UCK2: variants seen among roughly 807,000 people sequenced by gnomAD.
The protein encoded by UCK2 is cytidine monophosphokinase 2.
A neutral mutation model predicts 30.8 loss-of-function variants in UCK2; 6 were observed. That is an observed-to-expected ratio of 0.19 (90% CI 0.11 to 0.38). The LOEUF (loss-of-function observed/expected upper bound fraction) is 0.38. UCK2 is among the 10% of genes least tolerant of loss of function. The probability of loss-of-function intolerance (pLI) is 1.00; values close to 1 mark genes in which losing one functional copy is unlikely to be tolerated. For synonymous variants in UCK2, 125 were observed against 133.6 expected (o/e 0.94, Z 0.45); for missense variants, 210 against 339.8 (o/e 0.62, Z 3.00).
chr1:165,873,136 C>A (rs144874231), intron 1 of UCK2, among the ~76,000 whole-genome samples: 134 of 152,258 alleles, frequency 8.8e-4, no homozygotes, highest in Non-Finnish European at 1.6e-3. Flanking sequence ...ACCAAAAAAA[C>A]CCCCAGAATT....
intron 5 of UCK2, 110 bp downstream of exon 5, chr1:165,903,389 C>G (rs550706630): frequency 1.1e-6 from 1 of 873,884 alleles, no homozygotes; most frequent in African/African-American, 1.7e-5. Flanking sequence ...TCACTCCTCT[C>G]TCTGAGTGAT....
At chr1:165,882,530 C>T (rs1260439257) in intron 1 of UCK2, among the ~76,000 whole-genome samples, 1 of 152,180 alleles carries the variant, frequency 6.6e-6, no homozygotes, top group Non-Finnish European at 1.5e-5. Flanking sequence ...AAATTTATTT[C>T]TCACAATTCC....
intron 1 of UCK2, among the ~76,000 whole-genome samples, chr1:165,867,182 T>A (rs1331638949): frequency 1.3e-5 from 2 of 152,264 alleles, no homozygotes; most frequent in Non-Finnish European, 2.9e-5. Context: ...GTAGATACCT[T>A]AAGTTTAAAA....
chr1:165,871,199 T>C (rs1192150785), intron 1 of UCK2, among the ~76,000 whole-genome samples: 1 of 152,152 alleles, frequency 6.6e-6, no homozygotes, highest in East Asian at 1.9e-4. Context: ...ATTGTACCCA[T>C]TTCTCATGGT....
chr1:165,833,398 G>A (rs1404714819), intron 1 of UCK2, among the ~76,000 whole-genome samples: 1 of 152,040 alleles, frequency 6.6e-6, no homozygotes, highest in Admixed American at 6.6e-5. Flanking sequence ...TGCTCTGCCT[G>A]AATCTCTCCT....
chr1:165,879,944 G>GT (rs1475595780), intron 1 of UCK2, among the ~76,000 whole-genome samples: 1 of 152,240 alleles, frequency 6.6e-6, no homozygotes, highest in East Asian at 1.9e-4. Context: ...GGCATTAGAT[G>GT]TGGGTGCTGG....
At chr1:165,867,000 C>G (rs1571280692) in intron 1 of UCK2, among the ~76,000 whole-genome samples, 1 of 152,124 alleles carries the variant, frequency 6.6e-6, no homozygotes, top group Admixed American at 6.5e-5. Context: ...CAGTTGCAGA[C>G]CACGGCAATA....
At chr1:165,844,245 C>G (rs1445807422) in intron 1 of UCK2, among the ~76,000 whole-genome samples, 2 of 152,218 alleles carry the variant, frequency 1.3e-5, no homozygotes, top group Non-Finnish European at 2.9e-5. Flanking sequence ...TCCTGCAGTG[C>G]CTGCACCTAG....
chr1:165,888,642 C>T (rs1323384222), intron 1 of UCK2, among the ~76,000 whole-genome samples: 2 of 71,064 alleles, frequency 2.8e-5, no homozygotes, highest in East Asian at 4.1e-4. Flanking sequence ...CTTTCTTCTT[C>T]TTTTTTTTTT....
At chr1:165,854,021 A>G (rs1654663615) in intron 1 of UCK2, among the ~76,000 whole-genome samples, 1 of 152,268 alleles carries the variant, frequency 6.6e-6, no homozygotes, top group African/African-American at 2.4e-5. Flanking sequence ...TCTTTCAACT[A>G]GATCTGTGTA....
chr1:165,852,193 A>G lies in UCK2; in HGVS notation c.99+24261A>G, dbSNP rs193123559. Among the ~76,000 whole-genome samples the G allele has an allele frequency of 1.6e-3, 246 of 152,306 alleles. 1 individual carries two copies. The highest frequency in any genetic ancestry group is 5.7e-3 in the African/African-American group (235 of 41,566). On this transcript the variant is annotated intron_variant, in intron 1 of 6. Coordinates refer to ENST00000367879, the MANE Select transcript of UCK2 (RefSeq NM_012474.5). Reference sequence around the variant, plus strand: ...CACAATGGTTGAACTAATTACAACAAAAGCCAAAATTGATAAATTGATAAA... The same window carrying G: ...CACAATGGTTGAACTAATTACAACAGAAGCCAAAATTGATAAATTGATAAA...
In UCK2 at chr1:165,895,559, G is replaced by A; in HGVS notation, c.357-631G>A. Reference sequence around the variant, plus strand: ...GAGCAGCTCTAGGGAGCTCAGGATTGACCTGTGGCCACTTTGTTGGTTTGG... The same window carrying A: ...GAGCAGCTCTAGGGAGCTCAGGATTAACCTGTGGCCACTTTGTTGGTTTGG... On this transcript the variant is annotated intron_variant, in intron 3 of 6. Coordinates refer to ENST00000367879, the MANE Select transcript of UCK2 (RefSeq NM_012474.5). The A allele has an allele frequency of 3.0e-6, 3 of 985,564 alleles. No homozygotes were observed. In the South Asian group the frequency reaches 1.4e-4, roughly 46 times the overall value. The allele number at this position is 985,564 out of a possible 1,614,324, so 61.1% of individuals were successfully genotyped here.
At chr1:165,855,671 C>T (rs1189847265) in intron 1 of UCK2, among the ~76,000 whole-genome samples, 2 of 152,068 alleles carry the variant, frequency 1.3e-5, no homozygotes, top group African/African-American at 2.4e-5. Flanking sequence ...TGTGCGTGAG[C>T]TGCTGGAAGT....
At position 165,866,493 on chromosome 1, in the gene UCK2, GAAT is replaced by G. The variant is rs1349560482; in HGVS notation, c.100-23703_100-23701del. Among the ~76,000 whole-genome samples the G allele has an allele frequency of 1.3e-5, 2 of 152,036 alleles. 1 individual carries two copies. Among genetic ancestry groups the G allele is most frequent in the Non-Finnish European group, 2.9e-5 (2 of 68,010 alleles). On this transcript the variant is annotated intron_variant, in intron 1 of 6. Transcript: ENST00000367879. Reference sequence around the variant, plus strand: ...ATATTCAGTTTAGTGGCAGTGAGAGGAATAATAATATAAATAGATAATTTTATT... The same window carrying G: ...ATATTCAGTTTAGTGGCAGTGAGAGGAATAATATAAATAGATAATTTTATT...
intron 1 of UCK2, among the ~76,000 whole-genome samples, chr1:165,833,402 C>T (rs1455830320): frequency 6.6e-6 from 1 of 152,086 alleles, no homozygotes; most frequent in African/African-American, 2.4e-5. Flanking sequence ...CTGCCTGAAT[C>T]TCTCCTGCTT....
intron 1 of UCK2, chr1:165,885,091 A>G: frequency 3.1e-6 from 1 of 318,412 alleles, no homozygotes; most frequent in East Asian, 4.6e-5. Context: ...ACAGTATTAT[A>G]TTTCTCATCA....
rs1233670595 is a variant in UCK2, at chr1:165,833,766, T to C, written c.99+5834T>C. 5.3e-5 allele frequency among the ~76,000 whole-genome samples: 8 copies of C among 152,186 alleles called. No homozygotes were observed. The East Asian group carries it at 1.5e-3, about 29-fold the overall frequency. ...TTAAGGTCTCTAAATCTTAGACTTG[T>C]ATTTCAGTATTTTAAAATCAATAAA... On this transcript the variant is annotated intron_variant, in intron 1 of 6. Transcript: ENST00000367879.
chr1:165,864,777 T>A (rs1375062401), intron 1 of UCK2, among the ~76,000 whole-genome samples: 1 of 152,160 alleles, frequency 6.6e-6, no homozygotes, highest in Non-Finnish European at 1.5e-5. Context: ...CCTCCTGGAC[T>A]TAAGTGATCC....
intron 4 of UCK2, among the ~76,000 whole-genome samples, chr1:165,901,329 A>G (rs3790669): frequency 0.4 from 60,244 of 152,098 alleles, 13,180 homozygotes; most frequent in African/African-American, 0.58. Flanking sequence ...ATTAGTGCCC[A>G]GCTTTCTGGA....
Sources: allele counts gnomAD v4.1 joint callset (sites outside exome capture counted in the v4.1 genomes callset), GRCh38; gene constraint gnomAD v4.1.1; transcripts MANE v1.5; gene names NCBI Gene and HGNC (gene_info 2026-07-23, HGNC 2026-07-21).